DACH2: variants seen among roughly 807,000 people sequenced by gnomAD.
DACH2 encodes the protein dachshund homolog 2.
In DACH2, 17 loss-of-function variants were observed where a neutral mutation model predicts 35.8. The observed-to-expected ratio is 0.48, with a 90% CI of 0.33 to 0.71. The LOEUF (loss-of-function observed/expected upper bound fraction) is 0.71. Among genes scored for constraint, DACH2 ranks in the 30% least tolerant of loss-of-function variants. The probability of loss-of-function intolerance (pLI) is 0.02; values close to 1 mark genes in which losing one functional copy is unlikely to be tolerated. For synonymous variants in DACH2, 195 were observed against 177.3 expected, an observed-to-expected ratio of 1.10 and a Z score of -0.79; for missense variants, 469 against 472.7, an observed-to-expected ratio of 0.99 and a Z score of 0.07.
intron 2 of DACH2, among the ~76,000 whole-genome samples, chrX:86,454,820 A>G (rs1280318751): frequency 2.7e-5 from 3 of 112,004 alleles, no homozygotes; most frequent in African/African-American, 6.5e-5. Flanking sequence ...CTTGCTGGAC[A>G]GGTGTTACAG....
At chrX:86,385,772 T>C (rs926273011) in intron 2 of DACH2, among the ~76,000 whole-genome samples, 2 of 111,830 alleles carry the variant, frequency 1.8e-5, no homozygotes, top group Non-Finnish European at 3.8e-5. Flanking sequence ...TCACTCTGAA[T>C]TTTGGAACTA....
chrX:86,831,835 TA>T (rs1441140340), intron 11 of DACH2: 11 of 256,964 alleles, frequency 4.3e-5, no homozygotes, highest in Non-Finnish European at 6.8e-5. Flanking sequence ...TTACAGACAT[TA>T]TAATATAGTT....
chrX:86,760,067 A>C (rs2041865619), intron 7 of DACH2, among the ~76,000 whole-genome samples: 1 of 111,740 alleles, frequency 8.9e-6, no homozygotes, highest in South Asian at 3.7e-4. Context: ...GCTTTTCCAT[A>C]AGAAGTCATT....
chrX:86,590,159 T>C (rs1460424941), intron 3 of DACH2, among the ~76,000 whole-genome samples: 2 of 111,786 alleles, frequency 1.8e-5, no homozygotes, highest in African/African-American at 6.5e-5. Context: ...TGGAAGAGGC[T>C]CAGTGACACT....
intron 7 of DACH2, among the ~76,000 whole-genome samples, chrX:86,741,008 T>A (rs752892868): frequency 8.9e-6 from 1 of 111,864 alleles, no homozygotes; most frequent in South Asian, 3.7e-4. Context: ...TATTTGTTGA[T>A]CTTCTATACC....
intron 2 of DACH2, among the ~76,000 whole-genome samples, chrX:86,491,577 CAG>C (rs1456842630): frequency 9.0e-6 from 1 of 111,416 alleles, no homozygotes; most frequent in Non-Finnish European, 1.9e-5. Flanking sequence ...TTTATTTTCA[CAG>C]AGAGAGTCTC....
In DACH2 at chrX:86,562,666, G is replaced by A. The variant is rs769203473; in HGVS notation, c.640+48275G>A. On this transcript the variant is annotated intron_variant, in intron 3 of 11. Transcript: ENST00000373125. ...ATTTTGTGTGTATGTATAAAACTTT[G>A]GTATTCTAGTTTTTAATCCAAGAGA... Among the ~76,000 whole-genome samples the A allele has an allele frequency of 6.3e-5, 7 of 111,201 alleles. No homozygotes were observed. In the East Asian group the frequency reaches 8.6e-4, roughly 14 times the overall value.
chrX:86,598,798 C>CTTT (rs59857493), intron 3 of DACH2, among the ~76,000 whole-genome samples: 21 of 100,333 alleles, frequency 2.1e-4, no homozygotes, highest in African/African-American at 7.6e-4. Context: ...GTTTTCTTTT[C>CTTT]TTTTTTTTTT....
intron 1 of DACH2, among the ~76,000 whole-genome samples, chrX:86,328,736 C>T (rs2035159984): frequency 9.0e-6 from 1 of 111,713 alleles, no homozygotes; most frequent in Admixed American, 9.5e-5. Context: ...AGTCATTCAC[C>T]TTCAATTCCT....
chrX:86,364,251 A>G (rs1249524123), intron 1 of DACH2, among the ~76,000 whole-genome samples: 1 of 111,726 alleles, frequency 9.0e-6, no homozygotes, highest in Non-Finnish European at 1.9e-5. Flanking sequence ...TCATACTACG[A>G]ATGCATCTTC....
At chrX:86,295,099 C>A (rs2034417879) in intron 1 of DACH2, among the ~76,000 whole-genome samples, 1 of 112,134 alleles carries the variant, frequency 8.9e-6, no homozygotes, top group Admixed American at 9.4e-5. Context: ...ACCCTCCGAG[C>A]CAGTTGTGGG....
intron 3 of DACH2, among the ~76,000 whole-genome samples, chrX:86,588,770 T>C (rs948386464): frequency 9.0e-6 from 1 of 111,208 alleles, no homozygotes; most frequent in African/African-American, 3.3e-5. Flanking sequence ...TGGTGGAGTC[T>C]CTGGGGTTTC....
At chrX:86,271,990 C>G (rs926179630) in intron 1 of DACH2, among the ~76,000 whole-genome samples, 4 of 111,174 alleles carry the variant, frequency 3.6e-5, no homozygotes, top group Non-Finnish European at 7.6e-5. Context: ...CTGCCCAGCT[C>G]CCCATGCTTC....
intron 2 of DACH2, among the ~76,000 whole-genome samples, chrX:86,433,446 G>A (rs1180486323): frequency 9.0e-6 from 1 of 111,610 alleles, no homozygotes; most frequent in African/African-American, 3.2e-5. Flanking sequence ...ATGTCCAGTT[G>A]TAAAAAAAAG....
At chrX:86,274,619 C>A (rs188673661) in intron 1 of DACH2, among the ~76,000 whole-genome samples, 1,361 of 105,878 alleles carry the variant, frequency 0.013, 7 homozygotes, top group Middle Eastern at 0.024. Context: ...CTCAGCCTCT[C>A]GAGTAGCTGG....
chrX:86,377,744 A>G (rs1242160687), intron 2 of DACH2, among the ~76,000 whole-genome samples: 1 of 110,381 alleles, frequency 9.1e-6, no homozygotes, highest in Non-Finnish European at 1.9e-5. Flanking sequence ...GAAAAACGTC[A>G]TGGAGCTGTA....
chrX:86,464,511 G>T (rs368810930), intron 2 of DACH2, among the ~76,000 whole-genome samples: 2 of 110,125 alleles, frequency 1.8e-5, no homozygotes, highest in East Asian at 5.7e-4. Flanking sequence ...ACACACTAGG[G>T]CCTGTCAGGG....
chrX:86,628,852 A>G (rs1003452674), intron 3 of DACH2, among the ~76,000 whole-genome samples: 4 of 111,859 alleles, frequency 3.6e-5, no homozygotes, highest in Non-Finnish European at 7.5e-5. Flanking sequence ...TAGGAAGCCA[A>G]TTACCTTTCT....
At chrX:86,546,443 T>TTCTTCC (rs550033811) in intron 3 of DACH2, among the ~76,000 whole-genome samples, 11,365 of 89,345 alleles carry the variant, frequency 0.13, 963 homozygotes, top group East Asian at 0.2. Context: ...CCTCTTCTTC[T>TTCTTCC]TCTTCCTCTT....
Sources: gnomAD v4.1 joint callset for allele counts (sites outside exome capture counted in the v4.1 genomes callset) on GRCh38, gnomAD v4.1.1 for gene constraint, MANE v1.5 for transcripts, NCBI Gene and HGNC (gene_info 2026-07-23, HGNC 2026-07-21) for gene names.